The following ADGRE3 variants were observed in gnomAD, a reference collection of about 807,000 sequenced individuals.
ADGRE3 encodes the protein EGF-like module receptor 3.
Under a neutral mutation model 80.1 loss-of-function variants are expected in ADGRE3, and 88 were observed. The ratio of observed to expected loss-of-function variants is 1.10; its 90% CI spans 0.93 to 1.31. The LOEUF (loss-of-function observed/expected upper bound fraction) is 1.31, where lower values mean the gene tolerates loss of function less well. Among genes scored for constraint, ADGRE3 ranks in the 40% most tolerant of loss-of-function variants. The pLI is 0.00. For synonymous variants in ADGRE3, 281 were observed against 294.8 expected (o/e 0.95, Z 0.48); for missense variants, 715 against 776.5 (o/e 0.92, Z 0.94).
chr19:14,645,094 A>G (rs901255141), intron 8 of ADGRE3, among the ~76,000 whole-genome samples: 1 of 152,106 alleles, frequency 6.6e-6, no homozygotes, highest in Admixed American at 6.6e-5. Flanking sequence ...ATGTAACATA[A>G]AATAAAGCAA....
rs1228023694 is a variant in ADGRE3, at chr19:14,636,005, CT to C, written c.1484+2099del. Among the ~76,000 whole-genome samples the C allele has an allele frequency of 8.1e-3, 365 of 44,870 alleles. 26 individuals carry two copies. The highest frequency in any genetic ancestry group is 9.1e-3 in the Middle Eastern group (1 of 110). The allele number at this position is 44,870 out of a possible 152,430, so 29.4% of individuals were successfully genotyped here. A position where few individuals can be genotyped will look rare whatever the true frequency, so the allele number is the denominator to read the frequency against. ...AAAGCTCTCCTTTCTCTCTCTTTCT[CT>C]TTCTTTCTTCCTTCCTTCCTTCCTT... On this transcript the variant is annotated intron_variant, in intron 11 of 15. Transcript: ENST00000253673.
At chr19:14,662,932 G>T (rs1971992682) in intron 3 of ADGRE3, among the ~76,000 whole-genome samples, 1 of 146,170 alleles carries the variant, frequency 6.8e-6, no homozygotes, top group Admixed American at 6.9e-5. Flanking sequence ...AAAAAAATTA[G>T]CTGGGCATGG....
rs754528083 is a variant in ADGRE3 at position 14,619,451 on chromosome 19, T to C, written c.1941A>G (p.Gln647=). Residue 647 remains glutamine (Q), a synonymous_variant, in exon 16 of 16, where the codon CAA becomes CAG. Coordinates refer to ENST00000253673, the MANE Select transcript of ADGRE3 (RefSeq NM_032571.5). ...TCTAGTTTTAATATTTTCTCTTCACTTGTCCTGGAAAAACATCCCCCTATA... is the reference window on the plus strand; with the variant it reads ...TCTAGTTTTAATATTTTCTCTTCACCTGTCCTGGAAAAACATCCCCCTATA... ...KPSEGDVFPG[Q]VKRKY 15 of 1,594,916 alleles carry C rather than the reference T, an allele frequency of 9.4e-6. 2 individuals carry two copies. In the South Asian group the frequency reaches 1.5e-4, roughly 16 times the overall value.
At chr19:14,618,556 A>G (rs1300057169), downstream of ADGRE3, among the ~76,000 whole-genome samples, 1 of 150,478 alleles carries the variant, frequency 6.6e-6, no homozygotes, top group Non-Finnish European at 1.5e-5. Context: ...TCAGTCTCAG[A>G]AGAAAATAAG....
chr19:14,638,132 C>T lies in ADGRE3; in HGVS notation c.1457G>A (p.Trp486Ter), dbSNP rs760891833. The T allele has an allele frequency of 8.4e-5, 136 of 1,613,894 alleles. No homozygotes were observed. The highest frequency in any genetic ancestry group is 1.1e-4 in the Non-Finnish European group (130 of 1,179,946). ...AVTVAISAAS[W>*]PHLYGTADRC... ...ATCAGCAGTTCCATAAAGGTGAGGC[C>T]AGGAGGCTGCAGAAATGGCCACAGT... is the stretch of plus-strand genomic sequence containing the variant. The change falls in exon 11 of 16, where the codon TGG becomes TAG. Residue 486 changes from tryptophan to a stop codon, truncating the protein, a stop_gained. Transcript: ENST00000253673. LOFTEE classifies it high-confidence loss of function.
At chr19:14,629,200 A>G (rs1970812783) in intron 14 of ADGRE3, among the ~76,000 whole-genome samples, 2 of 152,336 alleles carry the variant, frequency 1.3e-5, no homozygotes, top group South Asian at 2.1e-4. Flanking sequence ...CTGGGATTAC[A>G]GGCGTGAGCC....
chr19:14,626,432 A>G lies in ADGRE3; in HGVS notation c.1813-833T>C, dbSNP rs567968566. Among the ~76,000 whole-genome samples, 168 of 152,256 alleles carry G rather than the reference A, an allele frequency of 1.1e-3. 2 individuals carry two copies. Among genetic ancestry groups the G allele is most frequent in the African/African-American group, 3.9e-3 (162 of 41,552 alleles). ...AGCCTGGGAGACAGAGCAACACTTC[A>G]TCTCAAAAAAACAAAAGAAAAGAAA... On this transcript the variant is annotated intron_variant, in intron 14 of 15. Transcript: ENST00000253673.
chr19:14,635,409 ATTTTT>A (rs1253660919), intron 11 of ADGRE3, among the ~76,000 whole-genome samples: 3 of 120,626 alleles, frequency 2.5e-5, no homozygotes, highest in Admixed American at 8.4e-5. Context: ...CTGGTCTTCC[ATTTTT>A]TTTTTTTTTT....
the ADGRE3 span, among the ~76,000 whole-genome samples, chr19:14,604,876 GA>G: frequency 3.9e-5 from 6 of 152,122 alleles, no homozygotes; most frequent in Admixed American, 2.0e-4. Flanking sequence ...TAGAACACAT[GA>G]AATAGATTAT....
chr19:14,620,482 T>C (rs1462828596), intron 15 of ADGRE3, among the ~76,000 whole-genome samples: 11 of 27,800 alleles, frequency 4.0e-4, no homozygotes, highest in African/African-American at 1.3e-3. Context: ...TATGAGTACA[T>C]ATGAATATAT....
At chr19:14,652,679 G>A (rs1472055049) in intron 6 of ADGRE3, among the ~76,000 whole-genome samples, 1 of 150,708 alleles carries the variant, frequency 6.6e-6, no homozygotes, top group Admixed American at 6.7e-5. Context: ...TAGGAAGGCT[G>A]AGGCAGGAGA....
chr19:14,624,931 GA>G (rs1007144684), intron 15 of ADGRE3, among the ~76,000 whole-genome samples: 2 of 151,900 alleles, frequency 1.3e-5, no homozygotes, highest in Non-Finnish European at 2.9e-5. Context: ...GGGGACGTTG[GA>G]GGGGGGAGAG....
chr19:14,615,692 G>T (rs1281189346), downstream of ADGRE3, among the ~76,000 whole-genome samples: 1 of 151,140 alleles, frequency 6.6e-6, no homozygotes, highest in Non-Finnish European at 1.5e-5. Context: ...AACCCGGGAG[G>T]CGAAAGTTAC....
chr19:14,605,895 C>T, the ADGRE3 span, among the ~76,000 whole-genome samples: 4 of 152,068 alleles, frequency 2.6e-5, no homozygotes, highest in African/African-American at 9.7e-5. Flanking sequence ...CGCACCACCA[C>T]GTCTGGCTAA....
intron 15 of ADGRE3, 122 bp from the exon 16 acceptor site, chr19:14,619,593 G>A (rs1157665009): frequency 1.4e-6 from 1 of 737,674 alleles, no homozygotes; most frequent in East Asian, 2.5e-5. Context: ...AGGCAAGGAT[G>A]GCATGATCTC....
chr19:14,668,356 T>C (rs1972158652), intron 2 of ADGRE3, among the ~76,000 whole-genome samples: 1 of 143,668 alleles, frequency 7.0e-6, no homozygotes, highest in African/African-American at 2.6e-5. Flanking sequence ...CCAGACAAAC[T>C]TTTTTTTTTT....
chr19:14,632,879 C>T, intron 13 of ADGRE3, 42 bp downstream of exon 13: 1 of 1,359,342 alleles, frequency 7.4e-7, no homozygotes, highest in South Asian at 1.2e-5. Flanking sequence ...GAAGGACTGG[C>T]AGAAGGAAAG....
chr19:14,607,446 G>T, the ADGRE3 span, among the ~76,000 whole-genome samples: 1 of 151,760 alleles, frequency 6.6e-6, no homozygotes, highest in Non-Finnish European at 1.5e-5. Flanking sequence ...CTCGTGATCT[G>T]CCCGCCTTGG....
At position 14,632,941 on chromosome 19, in the gene ADGRE3, C is replaced by G. The variant is rs1200356408; in HGVS notation, c.1623G>C (p.Val541=). ...KRKLSSLNSE[V]STIQNTRMLA... is the part of the protein sequence containing the mutation. ...CCTACCTTGTGTTCTGGATGGTTGA[C>G]ACTTCACTATTGAGGGAGGAAAGTT... The change falls in exon 13 of 16, where the codon GTG becomes GTC. Residue 541 remains valine (V), a synonymous_variant. Coordinates refer to ENST00000253673, the MANE Select transcript of ADGRE3 (RefSeq NM_032571.5). 2 of 1,612,554 alleles carry G rather than the reference C, an allele frequency of 1.2e-6. No homozygotes were observed. Among genetic ancestry groups the G allele is most frequent in the Non-Finnish European group, 1.7e-6 (2 of 1,178,600 alleles).
Sources: gnomAD v4.1 joint callset for allele counts (sites outside exome capture counted in the v4.1 genomes callset) on GRCh38, gnomAD v4.1.1 for gene constraint, MANE v1.5 for transcripts, NCBI Gene and HGNC (gene_info 2026-07-23, HGNC 2026-07-21) for gene names.